UPF1: variants seen among roughly 807,000 people sequenced by gnomAD.
The protein encoded by UPF1 is regulator of nonsense transcripts 1.
In UPF1, 9 loss-of-function variants were observed where a neutral mutation model predicts 129.2. That is an observed-to-expected ratio of 0.07 (90% CI 0.04 to 0.12). The LOEUF is 0.12. Among genes scored for constraint, UPF1 ranks in the 10% least tolerant of loss-of-function variants. The pLI, the probability that UPF1 is intolerant of heterozygous loss-of-function variation, is 1.00. For synonymous variants in UPF1, 649 were observed against 644.9 expected, an observed-to-expected ratio of 1.01 and a Z score of -0.10; for missense variants, 788 against 1,525.3, an observed-to-expected ratio of 0.52 and a Z score of 8.05.
At position 18,846,239 on chromosome 19, in the gene UPF1, G is replaced by T. The variant is rs140841383; in HGVS notation, c.371+120G>T. ...CCCTTGTGCTGTGACTCTGGGTGGC[G>T]GTGTCCTCGGGAGTAAGGAAATTGC... On this transcript the variant is annotated intron_variant, in intron 2 of 23. Coordinates refer to ENST00000262803, the MANE Select transcript of UPF1 (RefSeq NM_002911.4). 11 of 1,422,552 alleles carry T rather than the reference G, an allele frequency of 7.7e-6. No individual in the cohort carries two copies. In the South Asian group the frequency reaches 1.5e-4, roughly 19 times the overall value. The allele number at this position is 1,422,552 out of a possible 1,614,324, so 88.1% of individuals were successfully genotyped here.
chr19:18,867,709 G>A lies in UPF1; in HGVS notation c.*1192G>A, dbSNP rs918867822. 2 of 152,356 alleles carry A rather than the reference G, an allele frequency of 1.3e-5. No individual in the cohort carries two copies. Among genetic ancestry groups the A allele is most frequent in the Non-Finnish European group, 2.9e-5 (2 of 68,114 alleles). 9.4% of individuals were successfully genotyped at this position (152,356 alleles called of 1,614,324 possible). On this transcript the variant is annotated 3_prime_UTR_variant, in exon 24 of 24. Coordinates refer to ENST00000262803, the MANE Select transcript of UPF1 (RefSeq NM_002911.4). ...CAGAAATTACCGCGTTCTGTGTGAA[G>A]GGACTGAGGGTGTGGTGTCATTGGC...
intron 1 of UPF1, among the ~76,000 whole-genome samples, chr19:18,840,042 C>G (rs1465123749): frequency 6.6e-6 from 1 of 152,014 alleles, no homozygotes; most frequent in Admixed American, 6.6e-5. Context: ...TGTCCTGGAG[C>G]CTTTAGGAGC....
In UPF1 at chr19:18,850,255, C is replaced by G. The variant is rs372218889; in HGVS notation, c.629+13C>G. On this transcript the variant is annotated intron_variant, in intron 4 of 23. Transcript: ENST00000262803. This position sits in a 1 kb window ranked among gnomAD's most constrained non-coding sequence, Gnocchi z 7.1. ...TGCTGCTGTGCAGGTGAGTGGTCCC[C>G]AGATGTCTCCTGGGGGTGACCTTTA... 1 of 1,587,410 alleles carries G rather than the reference C, an allele frequency of 6.3e-7. No homozygotes were observed. The highest frequency in any genetic ancestry group is 1.1e-5 in the South Asian group (1 of 87,300).
rs541459032 is a variant in UPF1 at position 18,843,428 on chromosome 19, G to A, written c.232-2552G>A. ...GCAAATGTTGGAGTAGATGTCTGCG[G>A]CCTGAGAGTTTATGATGGCACATTT... On this transcript the variant is annotated intron_variant, in intron 1 of 23. Coordinates refer to ENST00000262803, the MANE Select transcript of UPF1 (RefSeq NM_002911.4). 6.6e-5 allele frequency among the ~76,000 whole-genome samples: 10 copies of A among 152,262 alleles called. No individual in the cohort carries two copies. The East Asian group carries it at 1.9e-3, about 29-fold the overall frequency.
Position 18,832,145 on chromosome 19 carries a change from C to T in UPF1, c.-65C>T, listed in dbSNP as rs1334739655. ...AGCGACCCGAGGCCTGCGGCCTAGG[C>T]CTCAGCGCGGCGGCGGGCTCGAGTG... On this transcript the variant is annotated 5_prime_UTR_variant, in exon 1 of 24. Transcript: ENST00000262803. This position sits in a 1 kb window ranked among gnomAD's most constrained non-coding sequence, Gnocchi z 5.6. 19 of 1,433,672 alleles carry T rather than the reference C, an allele frequency of 1.3e-5. No individual in the cohort carries two copies. The highest frequency in any genetic ancestry group is 1.8e-5 in the Non-Finnish European group (19 of 1,077,330). 88.8% of individuals were successfully genotyped at this position (1,433,672 alleles called of 1,614,324 possible).
chr19:18,861,861 G>C, intron 17 of UPF1, 149 bp from the exon 18 acceptor site: 1 of 1,038,412 alleles, frequency 9.6e-7, no homozygotes, highest in Non-Finnish European at 1.4e-6. Flanking sequence ...TGGCAGCAGA[G>C]CCAGGACAGC....
rs1366950811 is a variant in UPF1 at position 18,864,167 on chromosome 19, C to T, written c.2776-3C>T. 26 of 1,613,830 alleles carry T rather than the reference C, an allele frequency of 1.6e-5. No homozygotes were observed. Among genetic ancestry groups the T allele is most frequent in the Non-Finnish European group, 2.2e-5 (26 of 1,179,734 alleles). The stretch of plus-strand genomic sequence containing the variant: ...AATTCCTCACCTATCTAAACCTTCG[C>T]AGGGAGCCCGCTTCATGACCACAGC... On this transcript the variant is annotated splice_region_variant and splice_polypyrimidine_tract_variant and intron_variant, in intron 19 of 23. Coordinates refer to ENST00000262803, the MANE Select transcript of UPF1 (RefSeq NM_002911.4).
Position 18,865,451 on chromosome 19 carries a change from G to A in UPF1, c.3019+1G>A. 1 of 1,612,858 alleles carries A rather than the reference G, an allele frequency of 6.2e-7. No individual in the cohort carries two copies. The highest frequency in any genetic ancestry group is 8.5e-7 in the Non-Finnish European group (1 of 1,179,056). On this transcript the variant is annotated splice_donor_variant, in intron 21 of 23. Transcript: ENST00000262803. LOFTEE classifies it high-confidence loss of function. The surrounding 1 kb of genome is among the most constrained non-coding windows in gnomAD (Gnocchi z 6.1). ...GGACAAGCCAACGGGCCTGCTGCAG[G>A]TGAGCATCTGTGGCTGCGGCTGGGT...
chr19:18,840,224 G>A (rs531271553), intron 1 of UPF1, among the ~76,000 whole-genome samples: 2 of 152,288 alleles, frequency 1.3e-5, no homozygotes, highest in East Asian at 1.9e-4. Context: ...AGGGCTGTGT[G>A]TGTACATGTG....
At chr19:18,854,222 G>A (rs1266112854) in intron 8 of UPF1, among the ~76,000 whole-genome samples, 3 of 152,212 alleles carry the variant, frequency 2.0e-5, no homozygotes, top group Non-Finnish European at 4.4e-5. Context: ...GCCCCTGCTG[G>A]CCACATGTGC....
At chr19:18,834,159 A>G (rs1451757560) in intron 1 of UPF1, among the ~76,000 whole-genome samples, 2 of 152,234 alleles carry the variant, frequency 1.3e-5, no homozygotes, top group Non-Finnish European at 2.9e-5. Context: ...CCTTTTAAAC[A>G]TAAAGGAAAC....
At position 18,857,442 on chromosome 19, in the gene UPF1, C is replaced by T; in HGVS notation, c.2091C>T (p.Arg697=). 1 of 1,613,784 alleles carries T rather than the reference C, an allele frequency of 6.2e-7. No homozygotes were observed. The highest frequency in any genetic ancestry group is 1.3e-5 in the African/African-American group (1 of 75,072). The change falls in exon 15 of 24, where the codon CGC becomes CGT. Residue 697 remains arginine (R), a synonymous_variant. Coordinates refer to ENST00000262803, the MANE Select transcript of UPF1 (RefSeq NM_002911.4). ...TGGTGCTGGGCATCCGGCCCATCCG[C>T]CTGCAGGTCCAGTACCGGATGCACC... The part of the protein sequence containing the change: ...RLVVLGIRPI[R]LQVQYRMHPA...
In UPF1 at chr19:18,858,856, T is replaced by C. The variant is rs75945002; in HGVS notation, c.2182+1323T>C. 3.3e-4 allele frequency among the ~76,000 whole-genome samples: 50 copies of C among 152,370 alleles called. 3 individuals carry two copies. In the East Asian group the frequency reaches 9.4e-3, roughly 29 times the overall value. The stretch of plus-strand genomic sequence containing the variant: ...AATATATTTTTTAAATTTCCAAGTT[T>C]AGAGAATACAGTTATCCAATAAACA... On this transcript the variant is annotated intron_variant, in intron 15 of 23. Coordinates refer to ENST00000262803, the MANE Select transcript of UPF1 (RefSeq NM_002911.4).
Position 18,855,257 on chromosome 19 carries a change from G to T in UPF1, c.1544+15G>T, listed in dbSNP as rs761388684. 3.7e-6 allele frequency: 6 copies of T among 1,606,730 alleles called. No homozygotes were observed. The Admixed American group carries it at 5.0e-5, about 13-fold the overall frequency. ...CAAGGCAACGGGTAGGGCTGACACG[G>T]CCCTTGCGGGCAAGACCCGGGAGGG... On this transcript the variant is annotated intron_variant, in intron 11 of 23. Coordinates refer to ENST00000262803, the MANE Select transcript of UPF1 (RefSeq NM_002911.4).
intron 6 of UPF1, 78 bp downstream of exon 6, chr19:18,852,374 T>C: frequency 6.4e-7 from 1 of 1,570,584 alleles, no homozygotes; most frequent in South Asian, 1.2e-5. Flanking sequence ...AGAGGGAGGT[T>C]TTCTCTCCAG....
At chr19:18,861,334 G>A (rs1236570291) in intron 17 of UPF1, among the ~76,000 whole-genome samples, 1 of 152,244 alleles carries the variant, frequency 6.6e-6, no homozygotes, top group African/African-American at 2.4e-5. Context: ...AGACCGTGGT[G>A]TTCACACCTT....
intron 1 of UPF1, among the ~76,000 whole-genome samples, chr19:18,844,893 T>G (rs1330873278): frequency 6.6e-6 from 1 of 152,258 alleles, no homozygotes; most frequent in Non-Finnish European, 1.5e-5. Context: ...AAGGGAGAAG[T>G]TAACCCAGAA....
chr19:18,846,158 A>T lies in UPF1; in HGVS notation c.371+39A>T, dbSNP rs377071175. On this transcript the variant is annotated intron_variant, in intron 2 of 23. Coordinates refer to ENST00000262803, the MANE Select transcript of UPF1 (RefSeq NM_002911.4). ...AGCTGGGCCTGGGCATGTGCTGGAC[A>T]GGTGGGTGCCTCTGGCATGGGCCTG... 9 of 1,610,758 alleles carry T rather than the reference A, an allele frequency of 5.6e-6. No individual in the cohort carries two copies. In the African/African-American group the frequency reaches 1.1e-4, roughly 19 times the overall value.
At position 18,865,621 on chromosome 19, in the gene UPF1, T is replaced by C; in HGVS notation, c.3080T>C (p.Leu1027Pro). The change falls in exon 22 of 24, where the codon CTT becomes CCT. Residue 1027 changes from leucine (L) to proline (P), a missense_variant. Leu to Pro is a moderately conservative substitution (Grantham distance 98). Coordinates refer to ENST00000262803, the MANE Select transcript of UPF1 (RefSeq NM_002911.4). This position sits in a 1 kb window ranked among gnomAD's most constrained non-coding sequence, Gnocchi z 6.1. ...RGGRQKNRFG[L>P]PGPSQTNLPN... is the part of the protein sequence containing the mutation. ...GGACGCCAGAAGAACCGCTTTGGGC[T>C]TCCTGGACCCAGCCAGACTAACCTC... 1.2e-6 allele frequency: 2 copies of C among 1,613,790 alleles called. No individual in the cohort carries two copies. Among genetic ancestry groups the C allele is most frequent in the Non-Finnish European group, 1.7e-6 (2 of 1,180,028 alleles).
Sources: gnomAD v4.1 joint callset for allele counts (sites outside exome capture counted in the v4.1 genomes callset) on GRCh38, gnomAD v4.1.1 for gene constraint, Gnocchi (gnomAD v3.1) non-coding constraint, MANE v1.5 for transcripts, NCBI Gene and HGNC (gene_info 2026-07-23, HGNC 2026-07-21) for gene names.